VPS9D1: variants seen among roughly 807,000 people sequenced by gnomAD.
VPS9D1 encodes the protein VPS9 domain-containing protein 1.
Under a neutral mutation model 75.8 loss-of-function variants are expected in VPS9D1, and 78 were observed. The observed-to-expected ratio is 1.03, with a 90% CI of 0.86 to 1.24. The LOEUF (loss-of-function observed/expected upper bound fraction) is 1.24. Ranked by LOEUF, VPS9D1 falls within the 50% of genes most tolerant of loss-of-function variation. VPS9D1 has a pLI of 0.00. For missense variants in VPS9D1, 1,057 were observed against 847.7 expected (o/e 1.25, Z -3.07); for synonymous variants, 481 against 385.6 (o/e 1.25, Z -2.90).
intron 2 of VPS9D1, chr16:89,717,428 G>C (rs959828712): frequency 1.8e-5 from 7 of 396,952 alleles, no homozygotes; most frequent in African/African-American, 1.4e-4. Flanking sequence ...TGTCCCCAAA[G>C]TCCTGCCTTC....
chr16:89,711,789 G>T (rs2060932780), intron 8 of VPS9D1, 93 bp downstream of exon 8: 2 of 1,398,764 alleles, frequency 1.4e-6, no homozygotes, highest in Non-Finnish European at 1.9e-6. Flanking sequence ...ACAGCCTCTG[G>T]CTCCGCCCCC....
intron 1 of VPS9D1, among the ~76,000 whole-genome samples, chr16:89,719,615 T>G (rs2061189267): frequency 6.6e-6 from 1 of 152,330 alleles, no homozygotes; most frequent in South Asian, 2.1e-4. Context: ...TCCCAGAACC[T>G]GCGAGTTACG....
At chr16:89,710,362 G>C (rs2060887115) in intron 10 of VPS9D1, among the ~76,000 whole-genome samples, 1 of 152,134 alleles carries the variant, frequency 6.6e-6, no homozygotes, top group Non-Finnish European at 1.5e-5. Context: ...GGGGTGGGCA[G>C]ATCAACTGAG....
intron 2 of VPS9D1, chr16:89,717,843 T>G (rs1289918992): frequency 2.2e-6 from 1 of 456,448 alleles, no homozygotes; most frequent in Non-Finnish European, 4.4e-6. Flanking sequence ...ACCTGTGTGA[T>G]CCTACGTCCA....
At chr16:89,713,445 G>A (rs947577219) in intron 4 of VPS9D1, among the ~76,000 whole-genome samples, 24 of 151,460 alleles carry the variant, frequency 1.6e-4, no homozygotes, top group African/African-American at 4.1e-4. Flanking sequence ...TAGTAGAGAC[G>A]GGGTTTCACC....
Position 89,709,419 on chromosome 16 carries a change from G to A in VPS9D1, c.1405C>T (p.Arg469Trp), listed in dbSNP as rs776476826. The A allele has an allele frequency of 1.2e-5, 18 of 1,516,642 alleles. No individual in the cohort carries two copies. The highest frequency in any genetic ancestry group is 4.2e-5 in the African/African-American group (3 of 71,936). 93.9% of individuals were successfully genotyped at this position (1,516,642 alleles called of 1,614,324 possible). Residue 469 changes from arginine (R) to tryptophan (W), a missense_variant, in exon 12 of 15, where the codon CGG (arginine) becomes TGG (tryptophan). Physicochemically the swap from Arg to Trp is moderately radical, Grantham distance 101. Transcript: ENST00000389386. ...LALYRSVHRAREAALSRSMEL... is the reference protein window; with the variant it reads ...LALYRSVHRAWEAALSRSMEL... ...ATGCTCCTGCTCAGGGCAGCCTCCC[G>A]GGCTCGGTGCACGCTCCTGGGGCAG...
At chr16:89,709,941 C>G (rs770111201) in intron 10 of VPS9D1, 35 bp from the exon 11 acceptor site, 1 of 1,568,802 alleles carries the variant, frequency 6.4e-7, no homozygotes, top group South Asian at 1.2e-5. Context: ...TCCACAGAGG[C>G]TCCTCCCCTG....
chr16:89,716,088 C>G (rs994675130), intron 4 of VPS9D1, among the ~76,000 whole-genome samples: 2 of 151,968 alleles, frequency 1.3e-5, no homozygotes, highest in Non-Finnish European at 2.9e-5. Context: ...ACTGTGGGGG[C>G]CGGGCGCGGT....
rs772767914 is a variant in VPS9D1 at position 89,710,802 on chromosome 16, C to A, written c.1042G>T (p.Asp348Tyr). The change falls in exon 10 of 15, where the codon GAC (aspartate) becomes TAC (tyrosine). Residue 348 changes from aspartate (D) to tyrosine (Y), a missense_variant. Coordinates refer to ENST00000389386, the MANE Select transcript of VPS9D1 (RefSeq NM_004913.3). ...TGGAGTGGGGGCGTGGGGGGACTGTCCTGGGGCCGCGGGGCTGCGCTGGGC... is the reference window on the plus strand; with the variant it reads ...TGGAGTGGGGGCGTGGGGGGACTGTACTGGGGCCGCGGGGCTGCGCTGGGC... ...PEPSAAPRPQ[D>Y]SPPTPPLQPG... The A allele has an allele frequency of 2.6e-6, 4 of 1,544,966 alleles. No individual in the cohort carries two copies. The South Asian group carries it at 4.8e-5, about 18-fold the overall frequency.
Position 89,712,058 on chromosome 16 carries a change from C to A in VPS9D1, c.648G>T (p.Glu216Asp), listed in dbSNP as rs1267007779. Residue 216 changes from glutamate (E) to aspartate (D), a missense_variant, in exon 7 of 15, where the codon GAG becomes GAT. Glu to Asp is a conservative substitution (Grantham distance 45). Coordinates refer to ENST00000389386, the MANE Select transcript of VPS9D1 (RefSeq NM_004913.3). ...GGCAGGAGTCCCACCTGTTGGCGGC[C>A]TCCTGGAGCCGCAGCCGGCGCTCCT... ...KMEERRLRLQEAANRRFCSQV... is the reference protein window; with the variant it reads ...KMEERRLRLQDAANRRFCSQV... The A allele has an allele frequency of 3.2e-6, 5 of 1,548,736 alleles. No homozygotes were observed. Among genetic ancestry groups the A allele is most frequent in the Non-Finnish European group, 4.4e-6 (5 of 1,146,788 alleles).
At position 89,708,861 on chromosome 16, in the gene VPS9D1, C is replaced by A; in HGVS notation, c.1693G>T (p.Ala565Ser). ...QAGPPPIAAA[A>S]IGADDLLPIL... ...CCTCGCCCTCCTGGGACTCACATGG[C>A]AGCTGCAGCGATGGGCGGGGGCCCG... The change falls in exon 13 of 15, where the codon GCC becomes TCC. Residue 565 changes from alanine (A) to serine (S), a missense_variant. Physicochemically the swap from Ala to Ser is moderately conservative, Grantham distance 99 (BLOSUM62 1). Coordinates refer to ENST00000389386, the MANE Select transcript of VPS9D1 (RefSeq NM_004913.3). The A allele has an allele frequency of 6.3e-7, 1 of 1,580,232 alleles. No individual in the cohort carries two copies. Among genetic ancestry groups the A allele is most frequent in the Non-Finnish European group, 8.5e-7 (1 of 1,170,432 alleles).
intron 11 of VPS9D1, 38 bp downstream of exon 11, chr16:89,709,739 A>G (rs773029349): frequency 1.2e-6 from 2 of 1,612,702 alleles, no homozygotes; most frequent in East Asian, 4.5e-5. Context: ...GCTGGAAGAC[A>G]CTAGGCCACG....
At chr16:89,716,094 G>A (rs989690168) in intron 4 of VPS9D1, among the ~76,000 whole-genome samples, 33 of 151,980 alleles carry the variant, frequency 2.2e-4, no homozygotes, top group Non-Finnish European at 4.7e-4. Flanking sequence ...GGGGCCGGGC[G>A]CGGTGACTCA....
At position 89,709,835 on chromosome 16, in the gene VPS9D1, C is replaced by A; in HGVS notation, c.1330G>T (p.Ala444Ser). The A allele has an allele frequency of 6.2e-7, 1 of 1,613,814 alleles. No individual in the cohort carries two copies. Among genetic ancestry groups the A allele is most frequent in the Non-Finnish European group, 8.5e-7 (1 of 1,179,918 alleles). The change falls in exon 11 of 15, where the codon GCC becomes TCC. Residue 444 changes from alanine (A) to serine (S), a missense_variant. Coordinates refer to ENST00000389386, the MANE Select transcript of VPS9D1 (RefSeq NM_004913.3). Reference sequence around the variant, plus strand: ...GAGAAAAAGGGTTCCTCAATGCAGGCCAGGCAGCGGTCCTTGGAGGCAGCT... The same window carrying A: ...GAGAAAAAGGGTTCCTCAATGCAGGACAGGCAGCGGTCCTTGGAGGCAGCT... The part of the protein sequence containing the change: ...NTAASKDRCL[A>S]CIEEPFFSPL...
At chr16:89,711,703 GC>G (rs2060928205) in intron 8 of VPS9D1, 178 bp downstream of exon 8, 1 of 773,558 alleles carries the variant, frequency 1.3e-6, no homozygotes, top group Non-Finnish European at 2.0e-6. Context: ...GCTCTGCCCC[GC>G]CCCACGCAGC....
At chr16:89,715,571 G>C (rs924014109) in intron 4 of VPS9D1, among the ~76,000 whole-genome samples, 11 of 150,134 alleles carry the variant, frequency 7.3e-5, no homozygotes, top group Admixed American at 2.7e-4. Flanking sequence ...GCCCAAGCTG[G>C]AGTGCACTGG....
chr16:89,710,992 G>A lies in VPS9D1; in HGVS notation c.852C>T (p.Ile284=), dbSNP rs2151624193. 1 of 1,440,278 alleles carries A rather than the reference G, an allele frequency of 6.9e-7. No homozygotes were observed. Among genetic ancestry groups the A allele is most frequent in the Non-Finnish European group, 9.1e-7 (1 of 1,101,856 alleles). 89.2% of individuals were successfully genotyped at this position (1,440,278 alleles called of 1,614,324 possible). A position where few individuals can be genotyped will look rare whatever the true frequency, so the allele number is the denominator to read the frequency against. Residue 284 remains isoleucine, a synonymous_variant, in exon 10 of 15, where the codon ATC becomes ATT. Transcript: ENST00000389386. ...ACTGCAGCCGCCTCAGGAGCTGCGC[G>A]ATCGGGTGGTCGGGGAGGCTGCGGG... ...SHLLSLPDHP[I]AQLLRRLQCS...
intron 4 of VPS9D1, 77 bp from the exon 5 acceptor site, chr16:89,712,793 C>G (rs2060967576): frequency 1.5e-6 from 2 of 1,302,932 alleles, no homozygotes; most frequent in East Asian, 2.6e-5. Flanking sequence ...CTCTCTCATC[C>G]TCCCGGATTG....
chr16:89,709,691 C>A lies in VPS9D1; in HGVS notation c.1388+86G>T, dbSNP rs1344860135. ...AGTCTTGGGGATGGAGGGGAGCAGA[C>A]AGTGCCAGGGAGCAGGGCAGGCCTC... is the stretch of plus-strand genomic sequence containing the variant. On this transcript the variant is annotated intron_variant, in intron 11 of 14. Transcript: ENST00000389386. 4 of 1,591,032 alleles carry A rather than the reference C, an allele frequency of 2.5e-6. No individual in the cohort carries two copies. In the African/African-American group the frequency reaches 4.0e-5, roughly 16 times the overall value.
Sources: gnomAD v4.1 joint callset for allele counts (sites outside exome capture counted in the v4.1 genomes callset) on GRCh38, gnomAD v4.1.1 for gene constraint, MANE v1.5 for transcripts, NCBI Gene and HGNC (gene_info 2026-07-23, HGNC 2026-07-21) for gene names.